The following RBFOX1 variants were observed in gnomAD, a reference collection of about 807,000 sequenced individuals.
RBFOX1 encodes RNA binding protein fox-1 homolog 1.
In RBFOX1, 8 loss-of-function variants were observed where a neutral mutation model predicts 57.7. The ratio of observed to expected loss-of-function variants is 0.14; its 90% CI spans 0.08 to 0.25. RBFOX1 has a LOEUF of 0.25. Among genes scored for constraint, RBFOX1 ranks in the 10% least tolerant of loss-of-function variants. The pLI is 1.00. For missense variants in RBFOX1, 611 were observed against 548.5 expected (o/e 1.11, Z -1.14); for synonymous variants, 326 against 222.4 (o/e 1.47, Z -4.15).
intron 4 of RBFOX1, among the ~76,000 whole-genome samples, chr16:6,000,308 G>A (rs1382959593): frequency 1.3e-5 from 2 of 152,256 alleles, no homozygotes; most frequent in African/African-American, 4.8e-5. Flanking sequence ...GGGTTATGAA[G>A]TCACAGCAGA....
At chr16:7,032,069 C>A (rs76020755) in intron 3 of RBFOX1, among the ~76,000 whole-genome samples, 2 of 152,034 alleles carry the variant, frequency 1.3e-5, no homozygotes, top group African/African-American at 4.8e-5. Context: ...AAGCTGCCAG[C>A]AACTTTCGGA....
chr16:7,039,006 A>T (rs543858349), intron 3 of RBFOX1, among the ~76,000 whole-genome samples: 1 of 150,736 alleles, frequency 6.6e-6, no homozygotes, highest in African/African-American at 2.5e-5. Context: ...CTCTCTTGAT[A>T]TAAGTACCAT....
intron 3 of RBFOX1, among the ~76,000 whole-genome samples, chr16:6,857,559 C>T (rs1320994256): frequency 6.6e-6 from 1 of 152,158 alleles, no homozygotes; most frequent in African/African-American, 2.4e-5. Context: ...CAATTCAAGG[C>T]TGCTTCAAGC....
At chr16:6,310,900 TTAAAAA>T (rs890931483) in intron 1 of RBFOX1, among the ~76,000 whole-genome samples, 3 of 117,128 alleles carry the variant, frequency 2.6e-5, no homozygotes, top group East Asian at 1.0e-3. Context: ...TACCAGTGGT[TTAAAAA>T]AAAAAAAAAA....
At chr16:7,284,146 T>G (rs909590652) in intron 4 of RBFOX1, among the ~76,000 whole-genome samples, 2 of 152,254 alleles carry the variant, frequency 1.3e-5, no homozygotes, top group African/African-American at 2.4e-5. Context: ...TAGCATTCTG[T>G]GGTACAGATG....
chr16:5,503,395 A>G (rs898132254), intron 2 of RBFOX1, among the ~76,000 whole-genome samples: 1 of 152,124 alleles, frequency 6.6e-6, no homozygotes, highest in Non-Finnish European at 1.5e-5. Context: ...ACACCATATA[A>G]TTCATCAATT....
At chr16:7,008,139 T>C (rs917409606) in intron 3 of RBFOX1, among the ~76,000 whole-genome samples, 2 of 152,186 alleles carry the variant, frequency 1.3e-5, no homozygotes, top group African/African-American at 2.4e-5. Flanking sequence ...GAAAAAAATA[T>C]ATATCCACAG....
chr16:6,529,766 A>C (rs1261802214), intron 2 of RBFOX1, among the ~76,000 whole-genome samples: 1 of 152,120 alleles, frequency 6.6e-6, no homozygotes, highest in Admixed American at 6.6e-5. Context: ...CAAAACGCCA[A>C]GTTGTAGTAA....
At chr16:6,500,654 G>A (rs2095883003) in intron 2 of RBFOX1, among the ~76,000 whole-genome samples, 1 of 152,126 alleles carries the variant, frequency 6.6e-6, no homozygotes, top group Admixed American at 6.5e-5. Context: ...TAACTACAGA[G>A]GCTTAAGAAT....
At chr16:5,594,968 CTAA>C (rs2047133632) in intron 2 of RBFOX1, among the ~76,000 whole-genome samples, 2 of 66,556 alleles carry the variant, frequency 3.0e-5, no homozygotes, top group African/African-American at 6.6e-5. Flanking sequence ...CCTGTCTCTA[CTAA>C]AAAAAAAAAA....
rs542052028 is a variant in RBFOX1 at position 7,259,118 on chromosome 16, C to G, written c.27+207020C>G. Among the ~76,000 whole-genome samples the G allele has an allele frequency of 9.2e-5, 14 of 152,236 alleles. No homozygotes were observed. The East Asian group carries it at 2.3e-3, about 25-fold the overall frequency. ...TGAGAAGCAATTTAACCTGGTTGAC[C>G]ATCTCCATCAATCTGTCACCTGGAG... On this transcript the variant is annotated intron_variant, in intron 4 of 15. Transcript: ENST00000550418.
intron 3 of RBFOX1, among the ~76,000 whole-genome samples, chr16:6,889,307 G>A (rs1234828624): frequency 6.6e-6 from 1 of 152,170 alleles, no homozygotes; most frequent in Non-Finnish European, 1.5e-5. Context: ...CATAGGTGAT[G>A]GATGTCACTT....
chr16:5,402,350 C>T (rs1334250753), intron 1 of RBFOX1, among the ~76,000 whole-genome samples: 1 of 152,200 alleles, frequency 6.6e-6, no homozygotes, highest in Non-Finnish European at 1.5e-5. Context: ...GGGGTCCATG[C>T]ACGCATGCAC....
At chr16:6,105,558 G>T (rs2096368145) in intron 1 of RBFOX1, among the ~76,000 whole-genome samples, 1 of 152,046 alleles carries the variant, frequency 6.6e-6, no homozygotes, top group African/African-American at 2.4e-5. Context: ...GAAATGAGCA[G>T]CCAAATGTCT....
chr16:7,699,000 G>T (rs1026351032), intron 14 of RBFOX1, among the ~76,000 whole-genome samples: 1 of 152,164 alleles, frequency 6.6e-6, no homozygotes, highest in African/African-American at 2.4e-5. Flanking sequence ...TCAAATTCTA[G>T]AAGAATGCAC....
At chr16:6,795,656 C>A (rs372758629) in intron 3 of RBFOX1, among the ~76,000 whole-genome samples, 1 of 151,934 alleles carries the variant, frequency 6.6e-6, no homozygotes, top group East Asian at 1.9e-4. Flanking sequence ...ATCCCAGCTA[C>A]TTGGGAGGCT....
At chr16:7,443,135 A>T (rs1318963368) in intron 4 of RBFOX1, among the ~76,000 whole-genome samples, 3 of 152,186 alleles carry the variant, frequency 2.0e-5, no homozygotes, top group Non-Finnish European at 2.9e-5. Flanking sequence ...TCCTATGGAG[A>T]TGTTTCTAAT....
At chr16:6,796,978 G>A (rs1050446840) in intron 3 of RBFOX1, among the ~76,000 whole-genome samples, 2 of 152,126 alleles carry the variant, frequency 1.3e-5, no homozygotes, top group African/African-American at 4.8e-5. Flanking sequence ...GCATTCCTTA[G>A]TGGGAAAACA....
intron 1 of RBFOX1, among the ~76,000 whole-genome samples, chr16:5,448,405 C>T (rs898763522): frequency 6.6e-6 from 1 of 152,186 alleles, no homozygotes; most frequent in Non-Finnish European, 1.5e-5. Flanking sequence ...CAAAATAGGG[C>T]TGTTCATTGA....
Sources: allele counts gnomAD v4.1 joint callset (sites outside exome capture counted in the v4.1 genomes callset), GRCh38; gene constraint gnomAD v4.1.1; transcripts MANE v1.5; gene names NCBI Gene and HGNC (gene_info 2026-07-23, HGNC 2026-07-21).